OTUD7A: variants seen among roughly 807,000 people sequenced by gnomAD.
OTUD7A encodes OTU deubiquitinase 7A, also known as OTU domain-containing protein 7A.
Under a neutral mutation model 65.7 loss-of-function variants are expected in OTUD7A, and 12 were observed. The observed-to-expected ratio is 0.18, with a 90% confidence interval of 0.12 to 0.30. The LOEUF (loss-of-function observed/expected upper bound fraction) is 0.30, where lower values mean the gene tolerates loss of function less well. OTUD7A is among the 10% of genes least tolerant of loss of function. The probability of loss-of-function intolerance (pLI) is 1.00; values close to 1 mark genes in which losing one functional copy is unlikely to be tolerated. For synonymous variants in OTUD7A, 641 were observed against 586.3 expected, an observed-to-expected ratio of 1.09 and a Z score of -1.35; for missense variants, 1,148 against 1,304.8, an observed-to-expected ratio of 0.88 and a Z score of 1.85.
In OTUD7A at chr15:31,819,755, TATATAAC is replaced by T. The variant is rs542610010; in HGVS notation, c.-100+50745_-100+50751del. 9.9e-4 allele frequency among the ~76,000 whole-genome samples: 151 copies of T among 151,986 alleles called. 1 individual carries two copies. The highest frequency in any genetic ancestry group is 3.5e-3 in the African/African-American group (145 of 41,460). Reference sequence around the variant, plus strand: ...AACATAAACTAAATATACTACATTATATATAACATATAAGTAACATGTAACAAGTCGT... The same window carrying T: ...AACATAAACTAAATATACTACATTATATATAAGTAACATGTAACAAGTCGT... On this transcript the variant is annotated intron_variant, in intron 1 of 12. Transcript: ENST00000307050.
chr15:31,622,525 C>T (rs1471091676), intron 3 of OTUD7A, among the ~76,000 whole-genome samples: 9 of 152,188 alleles, frequency 5.9e-5, no homozygotes, highest in Non-Finnish European at 7.3e-5. Context: ...GATCTTCAAT[C>T]ACTGATACCC....
At chr15:31,617,494 GA>G (rs1281812657) in intron 3 of OTUD7A, among the ~76,000 whole-genome samples, 6 of 151,132 alleles carry the variant, frequency 4.0e-5, no homozygotes, top group Non-Finnish European at 8.8e-5. Context: ...AAAAAAAAAA[GA>G]AAAAAAGATA....
intron 3 of OTUD7A, among the ~76,000 whole-genome samples, chr15:31,578,921 C>T (rs981550998): frequency 6.6e-6 from 1 of 152,110 alleles, no homozygotes; most frequent in Non-Finnish European, 1.5e-5. Flanking sequence ...CAAGCTGTGC[C>T]CCAACCACCT....
chr15:31,755,117 G>A (rs1393636216), intron 1 of OTUD7A, among the ~76,000 whole-genome samples: 4 of 151,590 alleles, frequency 2.6e-5, no homozygotes, highest in South Asian at 4.2e-4. Context: ...TTAAGGAGGA[G>A]AGAGATGAAG....
At chr15:31,595,872 C>T (rs1173665669) in intron 3 of OTUD7A, among the ~76,000 whole-genome samples, 3 of 152,164 alleles carry the variant, frequency 2.0e-5, no homozygotes, top group African/African-American at 7.2e-5. Context: ...AGTGTCCAGA[C>T]ACCACCTATG....
At chr15:31,838,140 T>C (rs990749346) in intron 1 of OTUD7A, among the ~76,000 whole-genome samples, 1 of 152,226 alleles carries the variant, frequency 6.6e-6, no homozygotes, top group Admixed American at 6.5e-5. Flanking sequence ...ATCACAGCTT[T>C]ACATAAAATG....
chr15:31,623,769 G>C (rs2141240311), intron 3 of OTUD7A, among the ~76,000 whole-genome samples: 1 of 152,306 alleles, frequency 6.6e-6, no homozygotes, highest in Non-Finnish European at 1.5e-5. Flanking sequence ...TGCACCCACT[G>C]TCCTGCACCC....
In OTUD7A at chr15:31,481,119, C is replaced by G. The variant is rs918700360; in HGVS notation, c.*2175G>C. On this transcript the variant is annotated 3_prime_UTR_variant, in exon 13 of 13. Coordinates refer to ENST00000307050, the MANE Select transcript of OTUD7A (RefSeq NM_001382637.1). ...GCAGATAGCGTGAGAAAGAAAATAT[C>G]TGAATTAGCATAGCCAGTTTTAGAA... 24 of 152,136 alleles carry G rather than the reference C, an allele frequency of 1.6e-4. No homozygotes were observed. Among genetic ancestry groups the G allele is most frequent in the Admixed American group, 1.5e-3 (23 of 15,274 alleles). The allele number at this position is 152,136 out of a possible 1,614,324, so 9.4% of individuals were successfully genotyped here. A position where few individuals can be genotyped will look rare whatever the true frequency, so the allele number is the denominator to read the frequency against.
At chr15:31,799,793 T>C (rs1184988641) in intron 1 of OTUD7A, among the ~76,000 whole-genome samples, 3 of 152,132 alleles carry the variant, frequency 2.0e-5, no homozygotes, top group Non-Finnish European at 2.9e-5. Flanking sequence ...TCACACCTAG[T>C]TGCTCTCAAT....
intron 1 of OTUD7A, among the ~76,000 whole-genome samples, chr15:31,838,172 G>A (rs912966455): frequency 6.6e-5 from 10 of 152,172 alleles, no homozygotes; most frequent in Admixed American, 1.3e-4. Context: ...AAGTTTAGAA[G>A]AAATTGTAGG....
At chr15:31,488,076 G>A (rs543193629) in intron 10 of OTUD7A, among the ~76,000 whole-genome samples, 1 of 152,048 alleles carries the variant, frequency 6.6e-6, no homozygotes, top group Non-Finnish European at 1.5e-5. Context: ...GCCCCTGCCC[G>A]TGGGAAGCTC....
intron 3 of OTUD7A, among the ~76,000 whole-genome samples, chr15:31,594,934 G>A (rs1433636612): frequency 1.3e-5 from 2 of 152,200 alleles, no homozygotes; most frequent in Non-Finnish European, 2.9e-5. Flanking sequence ...CATGCATCAG[G>A]GGGACTGTGT....
At chr15:31,615,348 C>T (rs1163266621) in intron 3 of OTUD7A, among the ~76,000 whole-genome samples, 2 of 151,900 alleles carry the variant, frequency 1.3e-5, no homozygotes, top group South Asian at 2.1e-4. Flanking sequence ...GACAAGTTGA[C>T]GTTAATGAAA....
chr15:31,756,300 T>A (rs1347502927), intron 1 of OTUD7A, among the ~76,000 whole-genome samples: 4 of 152,266 alleles, frequency 2.6e-5, no homozygotes, highest in African/African-American at 9.6e-5. Flanking sequence ...TTCTCTTTAC[T>A]TATTAAATTG....
At chr15:31,551,993 T>C (rs927754967) in intron 5 of OTUD7A, among the ~76,000 whole-genome samples, 3 of 152,182 alleles carry the variant, frequency 2.0e-5, no homozygotes, top group African/African-American at 7.2e-5. Flanking sequence ...GAGGGGGGCC[T>C]GGTGGGAGGT....
intron 3 of OTUD7A, among the ~76,000 whole-genome samples, chr15:31,641,651 A>G (rs975029940): frequency 6.6e-6 from 1 of 152,160 alleles, no homozygotes; most frequent in Non-Finnish European, 1.5e-5. Flanking sequence ...ATTTATTCAT[A>G]TTTTATATTT....
chr15:31,604,862 C>T (rs1180541028), intron 3 of OTUD7A, among the ~76,000 whole-genome samples: 2 of 152,158 alleles, frequency 1.3e-5, no homozygotes. Context: ...CCTCTGTGCC[C>T]TGGAGTCCAG....
chr15:31,608,570 A>G (rs1890303689), intron 3 of OTUD7A, among the ~76,000 whole-genome samples: 1 of 152,186 alleles, frequency 6.6e-6, no homozygotes, highest in African/African-American at 2.4e-5. Context: ...TCAACTTGCC[A>G]TGGAGTTATG....
At chr15:31,780,131 G>A (rs1234277646) in intron 1 of OTUD7A, among the ~76,000 whole-genome samples, 3 of 152,138 alleles carry the variant, frequency 2.0e-5, no homozygotes, top group Non-Finnish European at 2.9e-5. Context: ...GACTCTTTCT[G>A]TAGTATCTGC....
Sources: allele counts gnomAD v4.1 joint callset (sites outside exome capture counted in the v4.1 genomes callset), GRCh38; gene constraint gnomAD v4.1.1; transcripts MANE v1.5; gene names NCBI Gene and HGNC (gene_info 2026-07-23, HGNC 2026-07-21).